The following CACNA2D3 variants were observed in gnomAD, a reference collection of about 807,000 sequenced individuals.
CACNA2D3 encodes the protein calcium voltage-gated channel auxiliary subunit alpha2delta 3, also known as voltage-dependent calcium channel subunit alpha-2/delta-3.
CACNA2D3 carries 60 observed loss-of-function variants against 160.6 expected under a neutral mutation model. The observed-to-expected ratio is 0.37, with a 90% CI of 0.30 to 0.46. CACNA2D3 has a LOEUF of 0.46. Ranked by LOEUF, CACNA2D3 falls within the 20% of genes least tolerant of loss-of-function variation. The pLI, the probability that CACNA2D3 is intolerant of heterozygous loss-of-function variation, is 1.00. For synonymous variants in CACNA2D3, 558 were observed against 492.9 expected (o/e 1.13, Z -1.75); for missense variants, 1,205 against 1,365.0 (o/e 0.88, Z 1.85).
intron 2 of CACNA2D3, among the ~76,000 whole-genome samples, chr3:54,284,016 T>A (rs1702948921): frequency 6.6e-6 from 1 of 152,156 alleles, no homozygotes. Context: ...GAGCCGAGAT[T>A]GCACCGCTGC....
intron 5 of CACNA2D3, among the ~76,000 whole-genome samples, chr3:54,509,506 C>CT (rs1175987107): frequency 6.6e-6 from 1 of 152,098 alleles, no homozygotes; most frequent in Admixed American, 6.5e-5. Context: ...ATGGCCATAA[C>CT]TTGGTATTGG....
chr3:54,177,640 A>G (rs1026823915), intron 2 of CACNA2D3, among the ~76,000 whole-genome samples: 5 of 152,150 alleles, frequency 3.3e-5, no homozygotes, highest in Non-Finnish European at 7.4e-5. Flanking sequence ...ACCATCATAT[A>G]TGGTGATGAT....
In CACNA2D3 at chr3:55,074,354, A is replaced by T. The variant is rs1704901280; in HGVS notation, c.*148A>T. On this transcript the variant is annotated 3_prime_UTR_variant, in exon 38 of 38. Coordinates refer to ENST00000474759, the MANE Select transcript of CACNA2D3 (RefSeq NM_018398.3). Reference sequence around the variant, plus strand: ...TCATCATGATTTTAAACTGTGCGTGATATAAACTCTTAAAGATATGTTGAC... The same window carrying T: ...TCATCATGATTTTAAACTGTGCGTGTTATAAACTCTTAAAGATATGTTGAC... 1.5e-6 allele frequency: 1 copy of T among 655,308 alleles called. No individual in the cohort carries two copies. Among genetic ancestry groups the T allele is most frequent in the Non-Finnish European group, 2.7e-6 (1 of 368,522 alleles). The allele number at this position is 655,308 out of a possible 1,614,324, so 40.6% of individuals were successfully genotyped here.
At chr3:55,052,428 A>G (rs1704249108) in intron 35 of CACNA2D3, among the ~76,000 whole-genome samples, 2 of 146,522 alleles carry the variant, frequency 1.4e-5, no homozygotes, top group Admixed American at 7.1e-5. Flanking sequence ...GTGTATATAT[A>G]CACATATATA....
intron 9 of CACNA2D3, among the ~76,000 whole-genome samples, chr3:54,610,035 A>G (rs1332192000): frequency 1.3e-5 from 2 of 151,956 alleles, no homozygotes; most frequent in Non-Finnish European, 2.9e-5. Context: ...GTGGCTATCG[A>G]TCCTTGGCCT....
chr3:54,760,766 T>C (rs192927387), intron 12 of CACNA2D3, among the ~76,000 whole-genome samples: 2 of 151,720 alleles, frequency 1.3e-5, no homozygotes, highest in East Asian at 2.0e-4. Flanking sequence ...AGGAGGGATA[T>C]GGAGGATAAT....
chr3:54,518,840 A>G lies in CACNA2D3; in HGVS notation c.544+15186A>G, dbSNP rs544897809. Among the ~76,000 whole-genome samples the G allele has an allele frequency of 3.5e-4, 54 of 152,272 alleles. No homozygotes were observed. In the East Asian group the frequency reaches 5.8e-3, roughly 16 times the overall value. On this transcript the variant is annotated intron_variant, in intron 5 of 37. Transcript: ENST00000474759. ...TTTGGTGGTTATTTTTTTTACTTAT[A>G]CAGGAAAAGCCATCTTCAGCCTATA...
At chr3:54,207,934 T>A (rs147217942) in intron 2 of CACNA2D3, among the ~76,000 whole-genome samples, 121 of 152,316 alleles carry the variant, frequency 7.9e-4, no homozygotes, top group African/African-American at 2.8e-3. Flanking sequence ...AGTGACTGCC[T>A]CAGTGTGAAT....
chr3:54,743,598 T>A (rs1420758970), intron 11 of CACNA2D3, among the ~76,000 whole-genome samples: 1 of 152,210 alleles, frequency 6.6e-6, no homozygotes, highest in Non-Finnish European at 1.5e-5. Flanking sequence ...TGTGGAACAA[T>A]TAATTTATTC....
intron 2 of CACNA2D3, among the ~76,000 whole-genome samples, chr3:54,314,462 GT>G (rs1703818064): frequency 6.6e-6 from 1 of 152,172 alleles, no homozygotes. Context: ...TCCACTTTTA[GT>G]TTCTTAGGGA....
chr3:54,758,146 C>T (rs916862479), intron 12 of CACNA2D3, among the ~76,000 whole-genome samples: 1 of 152,082 alleles, frequency 6.6e-6, no homozygotes, highest in Non-Finnish European at 1.5e-5. Context: ...GAGTTGGGGA[C>T]ATTAAGGCTG....
intron 35 of CACNA2D3, among the ~76,000 whole-genome samples, chr3:55,065,728 G>A (rs1704620794): frequency 6.9e-6 from 1 of 145,544 alleles, no homozygotes; most frequent in Non-Finnish European, 1.5e-5. Flanking sequence ...GGAAGGGAAG[G>A]AAAGGAAGGA....
chr3:54,239,364 AATG>A (rs1391237339), intron 2 of CACNA2D3, among the ~76,000 whole-genome samples: 1 of 152,008 alleles, frequency 6.6e-6, no homozygotes, highest in Non-Finnish European at 1.5e-5. Context: ...GGTGTAGAGC[AATG>A]AGCCTAACCT....
chr3:54,462,513 C>T (rs1182779739), intron 4 of CACNA2D3, among the ~76,000 whole-genome samples: 1 of 152,038 alleles, frequency 6.6e-6, no homozygotes, highest in Non-Finnish European at 1.5e-5. Context: ...TGAATTGATC[C>T]CTTTACCATT....
intron 11 of CACNA2D3, among the ~76,000 whole-genome samples, chr3:54,706,640 G>C (rs965211253): frequency 6.6e-6 from 1 of 152,156 alleles, no homozygotes; most frequent in Non-Finnish European, 1.5e-5. Flanking sequence ...CTATGAGTTT[G>C]CTTCTCTTCA....
intron 29 of CACNA2D3, among the ~76,000 whole-genome samples, chr3:54,970,427 C>T (rs1314795982): frequency 7.8e-5 from 11 of 141,218 alleles, no homozygotes; most frequent in African/African-American, 2.9e-4. Flanking sequence ...CTCCGTCTCC[C>T]TCCTCTCCTC....
intron 4 of CACNA2D3, among the ~76,000 whole-genome samples, chr3:54,402,083 G>A (rs1196366755): frequency 6.6e-6 from 1 of 152,082 alleles, no homozygotes; most frequent in Non-Finnish European, 1.5e-5. Context: ...ACTGTATGAT[G>A]TTTTGCATAA....
At chr3:55,071,969 A>G (rs1022962880) in intron 35 of CACNA2D3, among the ~76,000 whole-genome samples, 12 of 152,230 alleles carry the variant, frequency 7.9e-5, no homozygotes, top group Non-Finnish European at 1.6e-4. Context: ...CAGGTAGAAT[A>G]TATTTATGTT....
At chr3:54,164,135 C>G (rs950697663) in intron 2 of CACNA2D3, among the ~76,000 whole-genome samples, 1 of 152,198 alleles carries the variant, frequency 6.6e-6, no homozygotes, top group African/African-American at 2.4e-5. Flanking sequence ...GGACCTGTAC[C>G]TGCAAAGACT....
Sources: allele counts gnomAD v4.1 joint callset (sites outside exome capture counted in the v4.1 genomes callset), GRCh38; gene constraint gnomAD v4.1.1; transcripts MANE v1.5; gene names NCBI Gene and HGNC (gene_info 2026-07-23, HGNC 2026-07-21).